Variants in ADAMTS19 observed in about 807,000 individuals in gnomAD.
The protein encoded by ADAMTS19 is A disintegrin and metalloproteinase with thrombospondin motifs 19.
ADAMTS19 carries 93 observed loss-of-function variants against 153.3 expected under a neutral mutation model. The ratio of observed to expected loss-of-function variants is 0.61; its 90% CI spans 0.51 to 0.72. The LOEUF is 0.72. Among genes scored for constraint, ADAMTS19 ranks in the 30% least tolerant of loss-of-function variants. The pLI, the probability that ADAMTS19 is intolerant of heterozygous loss-of-function variation, is 0.00. For missense variants in ADAMTS19, 1,482 were observed against 1,552.1 expected (o/e 0.95, Z 0.76); for synonymous variants, 600 against 556.6 (o/e 1.08, Z -1.10).
intron 13 of ADAMTS19, among the ~76,000 whole-genome samples, chr5:129,651,607 T>A (rs1253064258): frequency 6.6e-6 from 1 of 152,186 alleles, no homozygotes; most frequent in Non-Finnish European, 1.5e-5. Context: ...ACATCGTTCT[T>A]TATTTATTTA....
At chr5:129,716,250 T>G (rs1756725282) in intron 21 of ADAMTS19, among the ~76,000 whole-genome samples, 2 of 152,072 alleles carry the variant, frequency 1.3e-5, no homozygotes. Flanking sequence ...CAGGCTGGAG[T>G]GCAGTGGTGC....
chr5:129,596,532 A>T (rs777929953), intron 7 of ADAMTS19, 27 bp from the exon 8 acceptor site: 1 of 1,419,228 alleles, frequency 7.0e-7, no homozygotes, highest in African/African-American at 1.4e-5. Flanking sequence ...ATTCAGACAT[A>T]TAATAATTAA....
At chr5:129,464,310 T>C (rs539975897) in intron 2 of ADAMTS19, among the ~76,000 whole-genome samples, 1 of 152,334 alleles carries the variant, frequency 6.6e-6, no homozygotes, top group Non-Finnish European at 1.5e-5. Flanking sequence ...TCAAGAATTC[T>C]GTGATCCTGT....
At chr5:129,547,393 GTAAGT>G (rs1168826055) in intron 6 of ADAMTS19, among the ~76,000 whole-genome samples, 1 of 150,720 alleles carries the variant, frequency 6.6e-6, no homozygotes, top group African/African-American at 2.5e-5. Flanking sequence ...CCTTCAGACT[GTAAGT>G]TAAAGTTTTG....
At position 129,720,023 on chromosome 5, in the gene ADAMTS19, C is replaced by T. The variant is rs939120418; in HGVS notation, c.3313-14909C>T. 7.9e-5 allele frequency among the ~76,000 whole-genome samples: 12 copies of T among 151,834 alleles called. 1 individual carries two copies. The highest frequency in any genetic ancestry group is 1.2e-4 in the African/African-American group (5 of 41,332). ...CCACTCCTCCAGCCTGGGCAACAGA[C>T]GGAGACTTCATCTTAGAAATAAATA... is the stretch of plus-strand genomic sequence containing the variant. On this transcript the variant is annotated intron_variant, in intron 21 of 22. Transcript: ENST00000274487.
chr5:129,596,686 G>A (rs1198087538), intron 8 of ADAMTS19, 22 bp downstream of exon 8: 1 of 1,497,678 alleles, frequency 6.7e-7, no homozygotes, highest in Non-Finnish European at 9.2e-7. Context: ...TCATGGCTAT[G>A]TTAAATATGT....
intron 21 of ADAMTS19, among the ~76,000 whole-genome samples, chr5:129,727,995 A>T (rs1757276883): frequency 6.6e-6 from 1 of 152,156 alleles, no homozygotes; most frequent in Admixed American, 6.6e-5. Flanking sequence ...GACCTTGCTG[A>T]TAAAACAGGT....
intron 16 of ADAMTS19, among the ~76,000 whole-genome samples, chr5:129,673,785 T>G (rs1754419267): frequency 6.6e-6 from 1 of 152,234 alleles, no homozygotes; most frequent in Non-Finnish European, 1.5e-5. Context: ...TTTGATACTT[T>G]AGCATACACT....
At chr5:129,619,295 A>G (rs997541176) in intron 8 of ADAMTS19, among the ~76,000 whole-genome samples, 3 of 152,046 alleles carry the variant, frequency 2.0e-5, no homozygotes, top group South Asian at 2.1e-4. Flanking sequence ...TTCTCAATGT[A>G]TAATCTTGGA....
intron 8 of ADAMTS19, among the ~76,000 whole-genome samples, chr5:129,602,850 G>A (rs191063770): frequency 6.6e-6 from 1 of 151,682 alleles, no homozygotes; most frequent in Non-Finnish European, 1.5e-5. Context: ...GTGTGTGTGT[G>A]TGTGTGTCTT....
intron 8 of ADAMTS19, among the ~76,000 whole-genome samples, chr5:129,612,603 A>G (rs1447856713): frequency 6.6e-6 from 1 of 152,188 alleles, no homozygotes; most frequent in Non-Finnish European, 1.5e-5. Flanking sequence ...TGTAAAGAAC[A>G]TCGATGCTAG....
At chr5:129,547,314 C>G (rs1752896753) in intron 6 of ADAMTS19, among the ~76,000 whole-genome samples, 1 of 150,772 alleles carries the variant, frequency 6.6e-6, no homozygotes, top group African/African-American at 2.5e-5. Context: ...TCATCTAGAG[C>G]TTTCAGAGGG....
At chr5:129,652,995 A>C (rs993706798) in intron 13 of ADAMTS19, among the ~76,000 whole-genome samples, 8 of 152,296 alleles carry the variant, frequency 5.3e-5, no homozygotes, top group Admixed American at 4.6e-4. Flanking sequence ...AACCATGCAC[A>C]TTAAAGGCCA....
At chr5:129,603,969 A>C (rs1035842472) in intron 8 of ADAMTS19, among the ~76,000 whole-genome samples, 3 of 152,112 alleles carry the variant, frequency 2.0e-5, no homozygotes, top group Non-Finnish European at 4.4e-5. Flanking sequence ...TTCCCACTTT[A>C]TCTCTTCAGC....
intron 7 of ADAMTS19, among the ~76,000 whole-genome samples, chr5:129,563,798 A>G (rs955653472): frequency 9.9e-5 from 15 of 152,180 alleles, no homozygotes; most frequent in Non-Finnish European, 2.1e-4. Context: ...TAAATATGGC[A>G]ATCCCAAGAT....
chr5:129,665,499 G>GT lies in ADAMTS19; in HGVS notation c.2428dup (p.Tyr810LeufsTer24), dbSNP rs747518883. The GT allele has an allele frequency of 2.5e-6, 4 of 1,604,494 alleles. No individual in the cohort carries two copies. Among genetic ancestry groups the GT allele is most frequent in the Admixed American group, 1.7e-5 (1 of 59,492 alleles). ...TTTCATGTTTTATTGACTCTTACAG[G>GT]TTATGTAGAAGTGCTGGTGATACCT... On this transcript the variant is annotated frameshift_variant and splice_region_variant, in exon 16 of 23. Transcript: ENST00000274487. LOFTEE classifies it high-confidence loss of function.
chr5:129,674,814 G>A (rs1294657071), intron 16 of ADAMTS19, among the ~76,000 whole-genome samples: 1 of 151,682 alleles, frequency 6.6e-6, no homozygotes, highest in Non-Finnish European at 1.5e-5. Context: ...AAATAATATC[G>A]ATACTTTTTT....
At chr5:129,659,510 G>T (rs1040770502) in intron 15 of ADAMTS19, among the ~76,000 whole-genome samples, 3 of 152,166 alleles carry the variant, frequency 2.0e-5, no homozygotes, top group Non-Finnish European at 4.4e-5. Context: ...ACCTGGGCAT[G>T]TGTCTTGCAC....
At position 129,679,895 on chromosome 5, in the gene ADAMTS19, CCTA is replaced by C; in HGVS notation, c.2643_2645del (p.Thr882del). The C allele has an allele frequency of 6.2e-7, 1 of 1,613,754 alleles. No homozygotes were observed. The highest frequency in any genetic ancestry group is 8.5e-7 in the Non-Finnish European group (1 of 1,179,894). On this transcript the variant is annotated inframe_deletion, in exon 17 of 23. Transcript: ENST00000274487. ...CTGGGAGAAGATCTCTGCCAAAGGTCCTACTACAGCACCTTTACATCTTCTGGT... is the reference window on the plus strand; with the variant it reads ...CTGGGAGAAGATCTCTGCCAAAGGTCCTACAGCACCTTTACATCTTCTGGT...
Sources: allele counts gnomAD v4.1 joint callset (sites outside exome capture counted in the v4.1 genomes callset), GRCh38; gene constraint gnomAD v4.1.1; transcripts MANE v1.5; gene names NCBI Gene and HGNC (gene_info 2026-07-23, HGNC 2026-07-21).